C8orf34: variants seen among roughly 807,000 people sequenced by gnomAD.
The protein encoded by C8orf34 is chromosome 8 open reading frame 34, also known as uncharacterized protein C8orf34.
Under a neutral mutation model 68.3 loss-of-function variants are expected in C8orf34, and 65 were observed. The ratio of observed to expected loss-of-function variants is 0.95; its 90% CI spans 0.78 to 1.17. The LOEUF (loss-of-function observed/expected upper bound fraction) is 1.17, where lower values mean the gene tolerates loss of function less well. Among genes scored for constraint, C8orf34 ranks in the 50% most tolerant of loss-of-function variants. The probability of loss-of-function intolerance (pLI) is 0.00; values close to 1 mark genes in which losing one functional copy is unlikely to be tolerated. For missense variants in C8orf34, 664 were observed against 655.4 expected (o/e 1.01, Z -0.14); for synonymous variants, 244 against 241.2 (o/e 1.01, Z -0.11).
intron 1 of C8orf34, among the ~76,000 whole-genome samples, chr8:68,389,112 T>C (rs770300424): frequency 1.4e-4 from 22 of 152,180 alleles, no homozygotes; most frequent in Non-Finnish European, 2.8e-4. Flanking sequence ...TGCATTCATT[T>C]TGCAGAGATT....
intron 12 of C8orf34, among the ~76,000 whole-genome samples, chr8:68,795,608 G>A (rs562125077): frequency 6.6e-6 from 1 of 152,272 alleles, no homozygotes; most frequent in African/African-American, 2.4e-5. Flanking sequence ...TAGCATAGTG[G>A]TCAGCTAATG....
At chr8:68,787,322 AT>A in intron 11 of C8orf34, 120 bp from the exon 12 acceptor site, 1 of 578,804 alleles carries the variant, frequency 1.7e-6, no homozygotes, top group Non-Finnish European at 3.0e-6. Flanking sequence ...CCTTTTTTTA[AT>A]GAGGAAATTA....
chr8:68,613,890 G>T (rs1366247249), intron 7 of C8orf34, among the ~76,000 whole-genome samples: 1 of 151,998 alleles, frequency 6.6e-6, no homozygotes, highest in Non-Finnish European at 1.5e-5. Flanking sequence ...GGTTGAACTA[G>T]TTTACAGTCC....
At chr8:68,764,172 G>C (rs1250600635) in intron 10 of C8orf34, among the ~76,000 whole-genome samples, 1 of 152,212 alleles carries the variant, frequency 6.6e-6, no homozygotes, top group Non-Finnish European at 1.5e-5. Context: ...ACAGTGCAGG[G>C]TGTGAGGAGA....
rs554740164 is a variant in C8orf34 at position 68,527,601 on chromosome 8, GA to G, written c.939-5379del. On this transcript the variant is annotated intron_variant, in intron 6 of 13. Coordinates refer to ENST00000518698, the MANE Select transcript of C8orf34 (RefSeq NM_052958.4). ...AAATAAAAAATAAAAAATTAATGAG[GA>G]AACTAAGTCCCAGAGTGGCTACATC... is the stretch of plus-strand genomic sequence containing the variant. Among the ~76,000 whole-genome samples, 11 of 152,086 alleles carry G rather than the reference GA, an allele frequency of 7.2e-5. 1 individual carries two copies. In the South Asian group the frequency reaches 2.1e-3, roughly 29 times the overall value.
chr8:68,463,103 G>A (rs918503499), intron 3 of C8orf34, among the ~76,000 whole-genome samples: 3 of 152,048 alleles, frequency 2.0e-5, no homozygotes, highest in Admixed American at 2.0e-4. Flanking sequence ...AAATGATAAA[G>A]GGGATATCAC....
intron 7 of C8orf34, among the ~76,000 whole-genome samples, chr8:68,638,321 T>TC (rs985185566): frequency 1.3e-5 from 2 of 151,842 alleles, no homozygotes; most frequent in African/African-American, 4.8e-5. Context: ...TTTTTTTCTT[T>TC]TTTTTTTTCA....
At chr8:68,681,418 G>A (rs181395616) in intron 8 of C8orf34, among the ~76,000 whole-genome samples, 63 of 152,134 alleles carry the variant, frequency 4.1e-4, no homozygotes, top group East Asian at 2.7e-3. Context: ...CTGACTTCCC[G>A]CAACAATTGA....
intron 1 of C8orf34, among the ~76,000 whole-genome samples, chr8:68,417,118 A>G (rs1250612917): frequency 1.3e-5 from 2 of 152,188 alleles, no homozygotes; most frequent in Non-Finnish European, 2.9e-5. Flanking sequence ...GCAATTCATA[A>G]CATCATTTTA....
intron 6 of C8orf34, among the ~76,000 whole-genome samples, chr8:68,528,420 C>T (rs1186152185): frequency 6.6e-6 from 1 of 152,216 alleles, no homozygotes; most frequent in Non-Finnish European, 1.5e-5. Context: ...TTTCTTGTTT[C>T]TCACCCACCT....
At chr8:68,810,530 A>G (rs1442743342) in intron 12 of C8orf34, among the ~76,000 whole-genome samples, 4 of 151,964 alleles carry the variant, frequency 2.6e-5, no homozygotes, top group African/African-American at 9.7e-5. Flanking sequence ...CGTAGCCCGC[A>G]AGGTGGTGAG....
At chr8:68,595,844 A>AT (rs886695827) in intron 7 of C8orf34, among the ~76,000 whole-genome samples, 3 of 151,470 alleles carry the variant, frequency 2.0e-5, no homozygotes, top group Non-Finnish European at 2.9e-5. Flanking sequence ...ATGTGAGGTG[A>AT]TTTTTTTTGC....
chr8:68,783,757 A>C (rs2978241), intron 11 of C8orf34, among the ~76,000 whole-genome samples: 1 of 151,718 alleles, frequency 6.6e-6, no homozygotes, highest in African/African-American at 2.4e-5. Flanking sequence ...GCTGTGCCCC[A>C]ACCACCTCGG....
rs76390123 is a variant in C8orf34, at chr8:68,357,017, A to G, written c.327+25678A>G. ...TGAAGTGAATTTCATAAGATTTATC[A>G]TAATTGTATGTTTTTGAGATATTAT... On this transcript the variant is annotated intron_variant, in intron 1 of 13. Transcript: ENST00000518698. Among the ~76,000 whole-genome samples, 12 of 152,234 alleles carry G rather than the reference A, an allele frequency of 7.9e-5. No individual in the cohort carries two copies. The East Asian group carries it at 2.3e-3, about 29-fold the overall frequency.
intron 8 of C8orf34, among the ~76,000 whole-genome samples, chr8:68,677,235 A>G (rs1252631769): frequency 1.3e-5 from 2 of 152,254 alleles, no homozygotes; most frequent in Non-Finnish European, 2.9e-5. Flanking sequence ...AGAAATGATA[A>G]TGGAAACACA....
chr8:68,600,713 A>G (rs1025011682), intron 7 of C8orf34, among the ~76,000 whole-genome samples: 5 of 152,182 alleles, frequency 3.3e-5, no homozygotes, highest in African/African-American at 1.2e-4. Flanking sequence ...ATCAAGCCAC[A>G]ATATTTGGGG....
chr8:68,476,221 A>G (rs1020396625), intron 4 of C8orf34, among the ~76,000 whole-genome samples: 5 of 152,230 alleles, frequency 3.3e-5, no homozygotes, highest in Non-Finnish European at 7.3e-5. Context: ...TCAAGCTTAC[A>G]TTTTAGTAGT....
chr8:68,351,529 A>T (rs1232018799), intron 1 of C8orf34, among the ~76,000 whole-genome samples: 1 of 152,042 alleles, frequency 6.6e-6, no homozygotes, highest in East Asian at 1.9e-4. Flanking sequence ...GGAAGTTTTC[A>T]TGAACAATAT....
At position 68,600,721 on chromosome 8, in the gene C8orf34, G is replaced by C. The variant is rs1383850857; in HGVS notation, c.1106-39655G>C. Among the ~76,000 whole-genome samples the C allele has an allele frequency of 2.0e-5, 3 of 152,106 alleles. No individual in the cohort carries two copies. The East Asian group carries it at 5.8e-4, about 29-fold the overall frequency. On this transcript the variant is annotated intron_variant, in intron 7 of 13. Coordinates refer to ENST00000518698, the MANE Select transcript of C8orf34 (RefSeq NM_052958.4). Reference sequence around the variant, plus strand: ...TGTAATGATCAAGCCACAATATTTGGGGTATTTATCACCTTGAGCATTTGT... The same window carrying C: ...TGTAATGATCAAGCCACAATATTTGCGGTATTTATCACCTTGAGCATTTGT...
Sources: gnomAD v4.1 joint callset for allele counts (sites outside exome capture counted in the v4.1 genomes callset) on GRCh38, gnomAD v4.1.1 for gene constraint, MANE v1.5 for transcripts, NCBI Gene and HGNC (gene_info 2026-07-23, HGNC 2026-07-21) for gene names.